The following NOC3L variants were observed in gnomAD, a reference collection of about 807,000 sequenced individuals.
The protein encoded by NOC3L is nucleolar complex protein 3 homolog.
A neutral mutation model predicts 102.5 loss-of-function variants in NOC3L; 85 were observed. The ratio of observed to expected loss-of-function variants is 0.83; its 90% CI spans 0.70 to 0.99. The LOEUF is 0.99. Ranked by LOEUF, NOC3L falls within the 50% of genes least tolerant of loss-of-function variation. The pLI, the probability that NOC3L is intolerant of heterozygous loss-of-function variation, is 0.00. For missense variants in NOC3L, 878 were observed against 914.9 expected, an observed-to-expected ratio of 0.96 and a Z score of 0.52; for synonymous variants, 303 against 309.4, an observed-to-expected ratio of 0.98 and a Z score of 0.22.
intron 2 of NOC3L, 96 bp downstream of exon 2, chr10:94,361,569 C>T: frequency 8.4e-7 from 1 of 1,184,994 alleles, no homozygotes. Flanking sequence ...GATCTGAGAA[C>T]AAGAAAAGCG....
chr10:94,361,581 T>A (rs2054551423), intron 2 of NOC3L, 84 bp downstream of exon 2: 1 of 1,334,848 alleles, frequency 7.5e-7, no homozygotes, highest in African/African-American at 1.5e-5. Flanking sequence ...AGAAAAGCGA[T>A]TACTAGAAAG....
chr10:94,338,808 G>T, intron 17 of NOC3L, 72 bp from the exon 18 acceptor site: 1 of 1,315,262 alleles, frequency 7.6e-7, no homozygotes, highest in Non-Finnish European at 1.0e-6. Flanking sequence ...CTGGTTTGTA[G>T]TTGTATTTGC....
At chr10:94,324,745 G>A in the NOC3L span, 10 of 962,174 alleles carry the variant, frequency 1.0e-5, no homozygotes, top group African/African-American at 4.9e-5. Flanking sequence ...CCGAGCTTGC[G>A]GTTAAGCAGT....
chr10:94,341,256 T>C (rs775668685), intron 14 of NOC3L, among the ~76,000 whole-genome samples: 30 of 152,026 alleles, frequency 2.0e-4, no homozygotes, highest in Non-Finnish European at 3.7e-4. Flanking sequence ...TAGTTTACAA[T>C]AATCTATTAT....
At chr10:94,346,923 C>A (rs2054351568) in intron 10 of NOC3L, among the ~76,000 whole-genome samples, 2 of 152,242 alleles carry the variant, frequency 1.3e-5, no homozygotes, top group Admixed American at 1.3e-4. Flanking sequence ...TGGGCCCTAT[C>A]CCCAGAGTTT....
chr10:94,342,553 TACACACACACAC>T (rs3052367), intron 13 of NOC3L, among the ~76,000 whole-genome samples: 12 of 148,078 alleles, frequency 8.1e-5, no homozygotes, highest in South Asian at 2.2e-4. Flanking sequence ...TGCATGAAGA[TACACACACACAC>T]ACACACACAC....
At chr10:94,352,166 A>T in intron 8 of NOC3L, 144 bp downstream of exon 8, 1 of 516,438 alleles carries the variant, frequency 1.9e-6, no homozygotes, top group Non-Finnish European at 3.4e-6. Flanking sequence ...TGGTGGAGCC[A>T]GGATTTGACC....
chr10:94,322,393 G>A, the NOC3L span, among the ~76,000 whole-genome samples: 5 of 152,030 alleles, frequency 3.3e-5, no homozygotes, highest in Admixed American at 6.5e-5. Context: ...GCTCACACCT[G>A]TAATCCCAGC....
chr10:94,345,543 A>G (rs1361286642), intron 11 of NOC3L, among the ~76,000 whole-genome samples: 1 of 152,120 alleles, frequency 6.6e-6, no homozygotes, highest in African/African-American at 2.4e-5. Flanking sequence ...TCCTTCTCTC[A>G]TGAGAAGTTG....
chr10:94,341,349 A>T (rs1467043556), intron 14 of NOC3L, among the ~76,000 whole-genome samples: 3 of 151,958 alleles, frequency 2.0e-5, no homozygotes, highest in Non-Finnish European at 2.9e-5. Flanking sequence ...ATCCCAAGTA[A>T]AATATTTACA....
chr10:94,336,726 TTC>T (rs2054222711), intron 19 of NOC3L, among the ~76,000 whole-genome samples: 2 of 152,218 alleles, frequency 1.3e-5, no homozygotes, highest in African/African-American at 4.8e-5. Flanking sequence ...TTATACCATT[TTC>T]TCTCTTTCTC....
intron 17 of NOC3L, 76 bp downstream of exon 17, chr10:94,339,663 G>A: frequency 3.6e-6 from 4 of 1,124,974 alleles, no homozygotes; most frequent in Non-Finnish European, 5.1e-6. Flanking sequence ...ATAAAAGGGG[G>A]GAAAAGACAT....
At chr10:94,315,430 C>A in the NOC3L span, 4 of 456,082 alleles carry the variant, frequency 8.8e-6, no homozygotes, top group South Asian at 4.6e-5. Context: ...TGCAACTGAC[C>A]TTTACTCCCT....
chr10:94,331,238 C>G (rs1323034940), downstream of NOC3L: 3 of 152,140 alleles, frequency 2.0e-5, no homozygotes, highest in Non-Finnish European at 4.4e-5. Flanking sequence ...TTTTATGCCT[C>G]CCATCTCAAT....
chr10:94,361,723 C>A lies in NOC3L; in HGVS notation c.159G>T (p.Val53=). 1.3e-6 allele frequency: 2 copies of A among 1,579,220 alleles called. No individual in the cohort carries two copies. Among genetic ancestry groups the A allele is most frequent in the Non-Finnish European group, 1.7e-6 (2 of 1,159,302 alleles). Reference sequence around the variant, plus strand: ...TGGGTTTCTTAGACACAGCATCTTTCACAGCTTGCCTTAGTTTCCTCTGTT... The same window carrying A: ...TGGGTTTCTTAGACACAGCATCTTTAACAGCTTGCCTTAGTTTCCTCTGTT... ...RKEQRKLRQA[V]KDAVSKKPIP... Residue 53 remains valine, a synonymous_variant, in exon 2 of 21, where the codon GTG becomes GTT. Coordinates refer to ENST00000371361, the MANE Select transcript of NOC3L (RefSeq NM_022451.11).
chr10:94,328,600 A>G (rs2054114566), downstream of NOC3L: 1 of 152,312 alleles, frequency 6.6e-6, no homozygotes, highest in Admixed American at 6.5e-5. Flanking sequence ...ACAGGAAAGG[A>G]AGTTTAGCCA....
At chr10:94,350,399 T>C in intron 8 of NOC3L, 111 bp from the exon 9 acceptor site, 1 of 857,794 alleles carries the variant, frequency 1.2e-6, no homozygotes, top group Non-Finnish European at 1.9e-6. Context: ...CACACACACA[T>C]TCCCACACCC....
intron 10 of NOC3L, among the ~76,000 whole-genome samples, chr10:94,347,324 C>T (rs113877614): frequency 6.6e-6 from 1 of 152,122 alleles, no homozygotes; most frequent in East Asian, 1.9e-4. Flanking sequence ...AAGAGTGAAC[C>T]TGAAGTCATT....
the NOC3L span, among the ~76,000 whole-genome samples, chr10:94,319,864 C>CCTTT: frequency 1.1e-5 from 1 of 92,914 alleles, no homozygotes; most frequent in African/African-American, 3.7e-5. Context: ...CAAAGGTGCT[C>CCTTT]TTTTTTTTTT....
Sources: gnomAD v4.1 joint callset for allele counts (sites outside exome capture counted in the v4.1 genomes callset) on GRCh38, gnomAD v4.1.1 for gene constraint, MANE v1.5 for transcripts, NCBI Gene and HGNC (gene_info 2026-07-23, HGNC 2026-07-21) for gene names.